HDX: variants seen among roughly 807,000 people sequenced by gnomAD.
HDX encodes the protein highly divergent homeobox.
A neutral mutation model predicts 45.2 loss-of-function variants in HDX; 19 were observed. The observed-to-expected ratio is 0.42, with a 90% CI of 0.29 to 0.62. The LOEUF (loss-of-function observed/expected upper bound fraction) is 0.62. Ranked by LOEUF, HDX falls within the 20% of genes least tolerant of loss-of-function variation. The pLI, the probability that HDX is intolerant of heterozygous loss-of-function variation, is 0.20. For missense variants in HDX, 532 were observed against 493.9 expected, an observed-to-expected ratio of 1.08 and a Z score of -0.73; for synonymous variants, 188 against 172.8, an observed-to-expected ratio of 1.09 and a Z score of -0.69.
At chrX:84,410,547 C>T (rs2038959999) in intron 5 of HDX, among the ~76,000 whole-genome samples, 1 of 111,528 alleles carries the variant, frequency 9.0e-6, no homozygotes, top group African/African-American at 3.3e-5. Flanking sequence ...TTTTGATGTG[C>T]TTCTGGATTC....
At chrX:84,479,932 T>C (rs1602534532) in intron 2 of HDX, among the ~76,000 whole-genome samples, 1 of 111,379 alleles carries the variant, frequency 9.0e-6, no homozygotes, top group South Asian at 3.8e-4. Flanking sequence ...GGGTTCCTTA[T>C]ATATTCTGGA....
intron 4 of HDX, among the ~76,000 whole-genome samples, chrX:84,461,198 G>C (rs1258610931): frequency 9.0e-6 from 1 of 111,511 alleles, no homozygotes; most frequent in African/African-American, 3.3e-5. Flanking sequence ...AACCATAAAA[G>C]AACCAGAATA....
At chrX:84,406,515 CACAT>C (rs760592331) in intron 5 of HDX, among the ~76,000 whole-genome samples, 1 of 58,401 alleles carries the variant, frequency 1.7e-5, no homozygotes, top group Non-Finnish European at 3.1e-5. Context: ...CACACACACA[CACAT>C]ACACACACAC....
At position 84,433,024 on chromosome X, in the gene HDX, A is replaced by AT. The variant is rs891238977; in HGVS notation, c.1305+7507dup. Among the ~76,000 whole-genome samples the AT allele has an allele frequency of 1.5e-4, 17 of 110,191 alleles. 1 individual carries two copies. Among genetic ancestry groups the AT allele is most frequent in the Non-Finnish European group, 2.1e-4 (11 of 52,657 alleles). ...GGTTACTTATTTCTTTAAAAATTTG[A>AT]TTTTTTTTCTGTTGAGATGTTGCAG... On this transcript the variant is annotated intron_variant, in intron 5 of 10. Transcript: ENST00000373177.
chrX:84,354,930 C>CACATATATAT (rs1322780448), intron 6 of HDX, among the ~76,000 whole-genome samples: 1 of 74,832 alleles, frequency 1.3e-5, no homozygotes, highest in African/African-American at 5.3e-5. Flanking sequence ...CACACACACA[C>CACATATATAT]ATATATATAT....
intron 5 of HDX, among the ~76,000 whole-genome samples, chrX:84,372,977 T>G (rs1215747467): frequency 8.9e-6 from 1 of 112,058 alleles, no homozygotes; most frequent in African/African-American, 3.2e-5. Context: ...CTGATAGTGT[T>G]AAGATAATCC....
At chrX:84,348,263 C>G (rs1173443336) in intron 6 of HDX, among the ~76,000 whole-genome samples, 4 of 111,720 alleles carry the variant, frequency 3.6e-5, no homozygotes, top group African/African-American at 1.3e-4. Context: ...ATGAGACCAT[C>G]AAAAGCTTTC....
intron 5 of HDX, among the ~76,000 whole-genome samples, chrX:84,424,965 G>T (rs2039351850): frequency 1.8e-5 from 2 of 110,929 alleles, no homozygotes; most frequent in Non-Finnish European, 3.8e-5. Context: ...ATGGACAAAT[G>T]GAATCACATC....
At chrX:84,440,290 T>C (rs1374518260) in intron 5 of HDX, 2 of 274,043 alleles carry the variant, frequency 7.3e-6, no homozygotes, top group Non-Finnish European at 1.3e-5. Flanking sequence ...TATTTTGGAG[T>C]CACTTTTAAA....
At chrX:84,391,167 C>G (rs190290538) in intron 5 of HDX, among the ~76,000 whole-genome samples, 7 of 108,770 alleles carry the variant, frequency 6.4e-5, no homozygotes, top group Non-Finnish European at 1.3e-4. Context: ...GTGAGATAAA[C>G]GTTTTTAGCT....
Position 84,469,151 on chromosome X carries a change from T to C in HDX, c.572A>G (p.Asn191Ser), listed in dbSNP as rs762217513. Residue 191 changes from asparagine to serine, a missense_variant, in exon 4 of 11, where the codon AAT becomes AGT. By Grantham distance (46) the Asn-to-Ser change is conservative. Transcript: ENST00000373177. ...SVLNAGNSVF[N>S]HAKKNYGNSS... The stretch of plus-strand genomic sequence containing the variant: ...GTTTCCATAGTTTTTCTTTGCGTGA[T>C]TGAATACTGAGTTTCCAGCATTTAG... 1.2e-5 allele frequency: 15 copies of C among 1,208,284 alleles called. No individual in the cohort carries two copies. The South Asian group carries it at 2.5e-4, about 20-fold the overall frequency.
intron 5 of HDX, among the ~76,000 whole-genome samples, chrX:84,386,705 G>T (rs183373703): frequency 3.6e-5 from 4 of 111,504 alleles, no homozygotes; most frequent in African/African-American, 1.3e-4. Flanking sequence ...TGTCACTATT[G>T]TCATTTCTGA....
intron 5 of HDX, among the ~76,000 whole-genome samples, chrX:84,379,454 C>A (rs1169469567): frequency 9.0e-6 from 1 of 110,880 alleles, no homozygotes; most frequent in Non-Finnish European, 1.9e-5. Context: ...GCACATGGAT[C>A]ATTTTCAAGG....
At chrX:84,434,389 A>T (rs1349108831) in intron 5 of HDX, among the ~76,000 whole-genome samples, 2 of 111,702 alleles carry the variant, frequency 1.8e-5, no homozygotes, top group Non-Finnish European at 3.8e-5. Context: ...TCAAATAAAT[A>T]ATGGATGCTG....
chrX:84,451,304 G>T (rs1427344467), intron 4 of HDX, among the ~76,000 whole-genome samples: 1 of 110,279 alleles, frequency 9.1e-6, no homozygotes, highest in Admixed American at 9.7e-5. Flanking sequence ...AAAAAAAGAA[G>T]ACATAAATAA....
intron 5 of HDX, among the ~76,000 whole-genome samples, chrX:84,370,634 T>A (rs1471680892): frequency 8.9e-6 from 1 of 112,110 alleles, no homozygotes; most frequent in African/African-American, 3.2e-5. Context: ...TTTAAAAAGA[T>A]CAACAGTGAA....
intron 5 of HDX, among the ~76,000 whole-genome samples, chrX:84,408,495 C>CTTTTTTTT (rs1381735080): frequency 2.8e-5 from 1 of 36,160 alleles, no homozygotes; most frequent in Non-Finnish European, 5.6e-5. Context: ...ATGCCTCCAG[C>CTTTTTTTT]TTTGTTTTTT....
intron 6 of HDX, among the ~76,000 whole-genome samples, chrX:84,354,970 T>C (rs868278725): frequency 2.9e-4 from 21 of 72,751 alleles, no homozygotes; most frequent in African/African-American, 7.9e-4. Flanking sequence ...TATATATATA[T>C]ATACACATAC....
chrX:84,484,736 G>A (rs181724931), intron 2 of HDX, among the ~76,000 whole-genome samples: 33 of 111,809 alleles, frequency 3.0e-4, no homozygotes, highest in African/African-American at 1.0e-3. Context: ...GTGTGAAATG[G>A]TATCTCATTG....
Sources: gnomAD v4.1 joint callset for allele counts (sites outside exome capture counted in the v4.1 genomes callset) on GRCh38, gnomAD v4.1.1 for gene constraint, MANE v1.5 for transcripts, NCBI Gene and HGNC (gene_info 2026-07-23, HGNC 2026-07-21) for gene names.